The following CA10 variants were observed in gnomAD, a reference collection of about 807,000 sequenced individuals.
The protein encoded by CA10 is carbonic anhydrase-related protein 10.
In CA10, 14 loss-of-function variants were observed where a neutral mutation model predicts 44.2. The observed-to-expected ratio is 0.32, with a 90% CI of 0.21 to 0.50. The LOEUF (loss-of-function observed/expected upper bound fraction) is 0.50. CA10 is among the 20% of genes least tolerant of loss of function. CA10 has a pLI of 0.99. For synonymous variants in CA10, 159 were observed against 141.6 expected, an observed-to-expected ratio of 1.12 and a Z score of -0.87; for missense variants, 350 against 409.7, an observed-to-expected ratio of 0.85 and a Z score of 1.26.
intron 2 of CA10, among the ~76,000 whole-genome samples, chr17:52,037,723 G>A (rs1463327274): frequency 6.6e-6 from 1 of 152,068 alleles, no homozygotes; most frequent in African/African-American, 2.4e-5. Flanking sequence ...TATGAAGATT[G>A]TCTTAACTAT....
chr17:51,917,847 A>G (rs1281205099), intron 3 of CA10, among the ~76,000 whole-genome samples: 1 of 152,156 alleles, frequency 6.6e-6, no homozygotes, highest in East Asian at 1.9e-4. Flanking sequence ...TCCCAACTAT[A>G]TTACTGTGGG....
At chr17:51,958,187 T>C (rs1983739427) in intron 2 of CA10, among the ~76,000 whole-genome samples, 1 of 151,702 alleles carries the variant, frequency 6.6e-6, no homozygotes, top group African/African-American at 2.4e-5. Context: ...GGAATTAGAG[T>C]AGTCAACAGA....
At chr17:51,717,646 TACATATATAC>T (rs1567815180) in intron 4 of CA10, among the ~76,000 whole-genome samples, 950 of 60,268 alleles carry the variant, frequency 0.016, 198 homozygotes, top group East Asian at 0.03. Context: ...CATGTATATA[TACATATATAC>T]GTATATATAC....
At chr17:51,844,224 T>A (rs2143810003) in intron 3 of CA10, among the ~76,000 whole-genome samples, 1 of 152,176 alleles carries the variant, frequency 6.6e-6, no homozygotes, top group East Asian at 1.9e-4. Flanking sequence ...ATGCCATGAA[T>A]CCCAATAGAA....
At chr17:51,647,279 T>C (rs1240190000) in intron 6 of CA10, among the ~76,000 whole-genome samples, 2 of 152,150 alleles carry the variant, frequency 1.3e-5, no homozygotes, top group Non-Finnish European at 2.9e-5. Flanking sequence ...CCAATGCTTA[T>C]TGGGCGTGCC....
intron 2 of CA10, among the ~76,000 whole-genome samples, chr17:51,954,514 T>C (rs1983596205): frequency 6.6e-6 from 1 of 152,156 alleles, no homozygotes; most frequent in Non-Finnish European, 1.5e-5. Context: ...AGAGGATTTC[T>C]AAATAATGCT....
chr17:51,720,203 T>C (rs1017160033), intron 4 of CA10, among the ~76,000 whole-genome samples: 12 of 152,322 alleles, frequency 7.9e-5, no homozygotes, highest in African/African-American at 2.9e-4. Flanking sequence ...AATTATTCTA[T>C]TGAGTAATCT....
intron 4 of CA10, among the ~76,000 whole-genome samples, chr17:51,745,691 G>C (rs1263981): frequency 0.4 from 60,617 of 152,040 alleles, 13,386 homozygotes; most frequent in Middle Eastern, 0.53. Context: ...GAAGAAACAA[G>C]TGTCACTAAA....
At chr17:51,775,990 C>G (rs1905803422) in intron 3 of CA10, among the ~76,000 whole-genome samples, 2 of 151,996 alleles carry the variant, frequency 1.3e-5, no homozygotes, top group Non-Finnish European at 2.9e-5. Context: ...TGAGAATACC[C>G]TAGGTGTTTT....
intron 3 of CA10, among the ~76,000 whole-genome samples, chr17:51,770,156 CCTGT>C (rs1261713837): frequency 1.3e-5 from 2 of 150,192 alleles, no homozygotes; most frequent in African/African-American, 2.5e-5. Flanking sequence ...TTTGGGTGTG[CCTGT>C]CTGTTTTTAA....
At chr17:51,921,511 T>C (rs771232339) in intron 3 of CA10, among the ~76,000 whole-genome samples, 2 of 152,174 alleles carry the variant, frequency 1.3e-5, no homozygotes, top group African/African-American at 2.4e-5. Flanking sequence ...AAACTGAATA[T>C]AAAACATTTT....
intron 3 of CA10, chr17:51,761,810 C>G (rs1375087339): frequency 6.6e-6 from 1 of 152,106 alleles, no homozygotes; most frequent in East Asian, 1.9e-4. Context: ...TAGACATCAT[C>G]CACAACCAAA....
chr17:51,967,390 T>C (rs1277723641), intron 2 of CA10, among the ~76,000 whole-genome samples: 1 of 151,574 alleles, frequency 6.6e-6, no homozygotes, highest in Admixed American at 6.6e-5. Context: ...CATGCACTTG[T>C]ATGTTCATTG....
chr17:51,852,892 C>T (rs1436725756), intron 3 of CA10, among the ~76,000 whole-genome samples: 2 of 152,136 alleles, frequency 1.3e-5, no homozygotes, highest in Non-Finnish European at 2.9e-5. Context: ...CTACATCATG[C>T]TACTTACATA....
chr17:51,674,069 A>G (rs1914527352), intron 4 of CA10, among the ~76,000 whole-genome samples: 1 of 152,192 alleles, frequency 6.6e-6, no homozygotes, highest in South Asian at 2.1e-4. Context: ...CTCTGCTACC[A>G]TCATGCCCAC....
chr17:52,120,094 C>T (rs990247099), intron 1 of CA10, among the ~76,000 whole-genome samples: 2 of 152,160 alleles, frequency 1.3e-5, no homozygotes, highest in Admixed American at 6.5e-5. Flanking sequence ...AAGTCAAGCC[C>T]CATGCACCCA....
intron 1 of CA10, among the ~76,000 whole-genome samples, chr17:52,136,982 T>A (rs1989374499): frequency 6.6e-6 from 1 of 152,184 alleles, no homozygotes; most frequent in African/African-American, 2.4e-5. Flanking sequence ...ATGAGGAATT[T>A]TTTCCCTGTA....
intron 3 of CA10, among the ~76,000 whole-genome samples, chr17:51,930,245 A>G (rs1982597876): frequency 6.6e-6 from 1 of 152,146 alleles, no homozygotes; most frequent in Admixed American, 6.5e-5. Flanking sequence ...TAGCTAAATT[A>G]CCTTTGAACA....
At chr17:52,076,495 C>A (rs954055523) in intron 1 of CA10, among the ~76,000 whole-genome samples, 7 of 152,172 alleles carry the variant, frequency 4.6e-5, no homozygotes, top group African/African-American at 1.7e-4. Flanking sequence ...TTGTGAAGAA[C>A]CAAATTCACC....
Sources: allele counts gnomAD v4.1 joint callset (sites outside exome capture counted in the v4.1 genomes callset), GRCh38; gene constraint gnomAD v4.1.1; transcripts MANE v1.5; gene names NCBI Gene and HGNC (gene_info 2026-07-23, HGNC 2026-07-21).